MYL3: variants seen among roughly 807,000 people sequenced by gnomAD.
The protein encoded by MYL3 is CMLC1.
MYL3 carries 11 observed loss-of-function variants against 21.3 expected under a neutral mutation model. The observed-to-expected ratio is 0.52, with a 90% CI of 0.32 to 0.85. The LOEUF is 0.85. MYL3 is among the 40% of genes least tolerant of loss of function. The pLI, the probability that MYL3 is intolerant of heterozygous loss-of-function variation, is 0.03. For missense variants in MYL3, 206 were observed against 253.3 expected, an observed-to-expected ratio of 0.81 and a Z score of 1.27; for synonymous variants, 88 against 91.6, an observed-to-expected ratio of 0.96 and a Z score of 0.22.
chr3:46,879,382 T>A lies in MYL3; in HGVS notation c.-218+2692A>T, dbSNP rs2030418645. Among the ~76,000 whole-genome samples the A allele has an allele frequency of 6.6e-6, 1 of 152,174 alleles. No individual in the cohort carries two copies. The highest frequency in any genetic ancestry group is 2.1e-4 in the South Asian group (1 of 4,824). On this transcript the variant is annotated intron_variant, in intron 1 of 3. Transcript: ENST00000431168. This position sits in a 1 kb window ranked among gnomAD's most constrained non-coding sequence, Gnocchi z 4.7. ...TCCCTCCATTAATGTTCTTTTCTCA[T>A]CACCAAGGGGGAAAGCAGGGTGGAA...
At chr3:46,870,100 G>A (rs1702094254) in intron 1 of MYL3, among the ~76,000 whole-genome samples, 2 of 152,072 alleles carry the variant, frequency 1.3e-5, no homozygotes, top group Non-Finnish European at 2.9e-5. Context: ...GGAGGGTCAG[G>A]GACAAATGTT....
At position 46,859,679 on chromosome 3, in the gene MYL3, C is replaced by G; in HGVS notation, c.308-31G>C. 1 of 1,613,846 alleles carries G rather than the reference C, an allele frequency of 6.2e-7. No individual in the cohort carries two copies. The highest frequency in any genetic ancestry group is 8.5e-7 in the Non-Finnish European group (1 of 1,179,808). On this transcript the variant is annotated intron_variant, in intron 3 of 6. Coordinates refer to ENST00000292327, the MANE Select transcript of MYL3 (RefSeq NM_000258.3). This position sits in a 1 kb window ranked among gnomAD's most constrained non-coding sequence, Gnocchi z 4.1. Reference sequence around the variant, plus strand: ...GAGAAATGGTCCCAGGTTCCAGGGTCTAAGGCTGGGGTGGGCACACCCCTC... The same window carrying G: ...GAGAAATGGTCCCAGGTTCCAGGGTGTAAGGCTGGGGTGGGCACACCCCTC...
chr3:46,878,492 G>C (rs918166827), intron 1 of MYL3, among the ~76,000 whole-genome samples: 1 of 152,220 alleles, frequency 6.6e-6, no homozygotes, highest in Non-Finnish European at 1.5e-5. Flanking sequence ...CTCAGTCTGG[G>C]ATCAGGGCTA....
upstream of MYL3, among the ~76,000 whole-genome samples, chr3:46,868,254 T>A (rs1702068157): frequency 2.0e-5 from 3 of 152,200 alleles, no homozygotes; most frequent in South Asian, 6.2e-4. Context: ...CCTGCTCCTC[T>A]TGGCCTCAGT....
chr3:46,865,369 A>AGGAGAC (rs1287031510), upstream of MYL3, among the ~76,000 whole-genome samples: 21 of 152,270 alleles, frequency 1.4e-4, no homozygotes, highest in Admixed American at 1.4e-3. This position sits in a 1 kb window ranked among gnomAD's most constrained non-coding sequence, Gnocchi z 4.3. Context: ...CGAGCCAGAA[A>AGGAGAC]TACCACAAGA....
At position 46,861,746 on chromosome 3, in the gene MYL3, C is replaced by T. The variant is rs961869665; in HGVS notation, c.130-759G>A. ...CGGGATCCAGTGTCCCCCTCCTCAC[C>T]GGATACCAGGTCTATTTTTATCACT... is the stretch of plus-strand genomic sequence containing the variant. On this transcript the variant is annotated intron_variant, in intron 1 of 6. Transcript: ENST00000292327. This position sits in a 1 kb window ranked among gnomAD's most constrained non-coding sequence, Gnocchi z 4.2. Among the ~76,000 whole-genome samples, 1 of 152,132 alleles carries T rather than the reference C, an allele frequency of 6.6e-6. No homozygotes were observed. The highest frequency in any genetic ancestry group is 1.5e-5 in the Non-Finnish European group (1 of 68,028).
At chr3:46,873,786 A>G (rs1167032770) in intron 1 of MYL3, among the ~76,000 whole-genome samples, 2 of 152,190 alleles carry the variant, frequency 1.3e-5, no homozygotes, top group Non-Finnish European at 2.9e-5. Flanking sequence ...TGACCTCCCC[A>G]AAAAGATCAT....
rs1056355333 is a variant in MYL3 at position 46,882,166 on chromosome 3, C to A, written c.-310G>T. 6.7e-6 allele frequency: 1 copy of A among 148,514 alleles called. No homozygotes were observed. The highest frequency in any genetic ancestry group is 2.5e-5 in the African/African-American group (1 of 40,646). 9.2% of individuals were successfully genotyped at this position (148,514 alleles called of 1,614,324 possible). Reference sequence around the variant, plus strand: ...TCCTCTCGGCCTCTCCACACTCCCGCGTCGGCGGCTGCGGAGGGGGTGGGG... The same window carrying A: ...TCCTCTCGGCCTCTCCACACTCCCGAGTCGGCGGCTGCGGAGGGGGTGGGG... On this transcript the variant is annotated 5_prime_UTR_variant, in exon 1 of 4. Transcript: ENST00000431168. This position sits in a 1 kb window ranked among gnomAD's most constrained non-coding sequence, Gnocchi z 4.3.
Position 46,861,661 on chromosome 3 carries a change from CTGAG to C in MYL3, c.130-678_130-675del, listed in dbSNP as rs1174223094. The stretch of plus-strand genomic sequence containing the variant: ...ACAGCACAGGGCCAGGGCAGTGCTG[CTGAG>C]TGTTTGCTGAAGTCACATTGGGGCC... On this transcript the variant is annotated intron_variant, in intron 1 of 6. Transcript: ENST00000292327. The surrounding 1 kb of genome is among the most constrained non-coding windows in gnomAD (Gnocchi z 4.2). 1.3e-5 allele frequency among the ~76,000 whole-genome samples: 2 copies of C among 152,174 alleles called. No individual in the cohort carries two copies. The highest frequency in any genetic ancestry group is 2.9e-5 in the Non-Finnish European group (2 of 68,036).
intron 5 of MYL3, 35 bp downstream of exon 5, chr3:46,858,349 C>T (rs1274024745): frequency 1.2e-6 from 2 of 1,614,032 alleles, no homozygotes; most frequent in Non-Finnish European, 1.7e-6. Context: ...CCCAGCACTC[C>T]CCTCCCAGAA....
intron 1 of MYL3, among the ~76,000 whole-genome samples, chr3:46,878,403 G>A (rs2030361919): frequency 6.6e-6 from 1 of 152,204 alleles, no homozygotes; most frequent in Non-Finnish European, 1.5e-5. Context: ...ACAACCTGGG[G>A]TCAGAGTTCA....
At chr3:46,858,500 A>G (rs770060557) in intron 4 of MYL3, 39 bp from the exon 5 acceptor site, 5 of 1,597,460 alleles carry the variant, frequency 3.1e-6, no homozygotes, top group Non-Finnish European at 3.4e-6. Context: ...CCGTGCGTGC[A>G]GAGGCATGAT....
chr3:46,878,951 C>G (rs971749731), intron 1 of MYL3, among the ~76,000 whole-genome samples: 1 of 152,250 alleles, frequency 6.6e-6, no homozygotes, highest in African/African-American at 2.4e-5. Flanking sequence ...CTAACACTGA[C>G]CTGACACTAA....
In MYL3 at chr3:46,861,469, G is replaced by A. The variant is rs1701991989; in HGVS notation, c.130-482C>T. Among the ~76,000 whole-genome samples the A allele has an allele frequency of 6.6e-6, 1 of 152,176 alleles. No individual in the cohort carries two copies. The highest frequency in any genetic ancestry group is 6.5e-5 in the Admixed American group (1 of 15,284). ...CCGAGGGCTGGTGGCTGGAAGCATC[G>A]AGGGTGAGCACAAGTGTGCATGTTT... On this transcript the variant is annotated intron_variant, in intron 1 of 6. Transcript: ENST00000292327. This position sits in a 1 kb window ranked among gnomAD's most constrained non-coding sequence, Gnocchi z 4.2.
rs1275613614 is a variant in MYL3, at chr3:46,860,271, G to A, written c.307+405C>T. 6.6e-6 allele frequency among the ~76,000 whole-genome samples: 1 copy of A among 152,088 alleles called. No individual in the cohort carries two copies. Among genetic ancestry groups the A allele is most frequent in the African/African-American group, 2.4e-5 (1 of 41,408 alleles). ...AGCTTCCTGAGTAGCTGGGACCATAGGTGCATGTCACCATGCCAAGCTAAA... is the reference window on the plus strand; with the variant it reads ...AGCTTCCTGAGTAGCTGGGACCATAAGTGCATGTCACCATGCCAAGCTAAA... On this transcript the variant is annotated intron_variant, in intron 3 of 6. Transcript: ENST00000292327. The surrounding 1 kb of genome is among the most constrained non-coding windows in gnomAD (Gnocchi z 4.6).
rs544241793 is a variant in MYL3 at position 46,863,206 on chromosome 3, CTG to C, written c.129+54_129+55del. The C allele has an allele frequency of 4.2e-3, 6,761 of 1,611,706 alleles. 26 individuals carry two copies. The highest frequency in any genetic ancestry group is 5.5e-3 in the Non-Finnish European group (6,433 of 1,179,262). On this transcript the variant is annotated intron_variant, in intron 1 of 6. Transcript: ENST00000292327. ...TGACCTGCCTCTTGCTAGGTCCACT[CTG>C]GGATCCACTCACTTGCCCTGCTCCT...
rs1264752252 is a variant in MYL3, at chr3:46,858,075, G to T, written c.*40C>A. On this transcript the variant is annotated 3_prime_UTR_variant, in exon 7 of 7. Transcript: ENST00000292327. Reference sequence around the variant, plus strand: ...CAGCATCACACATGGGAGATGAGACGTCCCTGCACAGCCTTCCCTGGGCTT... The same window carrying T: ...CAGCATCACACATGGGAGATGAGACTTCCCTGCACAGCCTTCCCTGGGCTT... The T allele has an allele frequency of 8.3e-6, 7 of 843,076 alleles. No homozygotes were observed. The African/African-American group carries it at 1.0e-4, about 12-fold the overall frequency. The allele number at this position is 843,076 out of a possible 1,614,324, so 52.2% of individuals were successfully genotyped here.
chr3:46,880,775 C>A (rs374623177), intron 1 of MYL3, among the ~76,000 whole-genome samples: 1 of 151,780 alleles, frequency 6.6e-6, no homozygotes, highest in African/African-American at 2.4e-5. Context: ...AAAGTAGCAG[C>A]AGAAGAAATA....
chr3:46,860,139 T>A lies in MYL3; in HGVS notation c.308-491A>T, dbSNP rs560112966. Among the ~76,000 whole-genome samples the A allele has an allele frequency of 2.6e-5, 4 of 152,208 alleles. No individual in the cohort carries two copies. The highest frequency in any genetic ancestry group is 1.3e-4 in the Admixed American group (2 of 15,300). Reference sequence around the variant, plus strand: ...TGTATTTATTCATTCATTTATTTATTTTTAGACACGAGGTCTTCTTGTTAC... The same window carrying A: ...TGTATTTATTCATTCATTTATTTATATTTAGACACGAGGTCTTCTTGTTAC... On this transcript the variant is annotated intron_variant, in intron 3 of 6. Transcript: ENST00000292327. The surrounding 1 kb of genome is among the most constrained non-coding windows in gnomAD (Gnocchi z 4.6).
Sources: gnomAD v4.1 joint callset for allele counts (sites outside exome capture counted in the v4.1 genomes callset) on GRCh38, gnomAD v4.1.1 for gene constraint, Gnocchi (gnomAD v3.1) non-coding constraint, MANE v1.5 for transcripts, NCBI Gene and HGNC (gene_info 2026-07-23, HGNC 2026-07-21) for gene names.